Variants in TMEM163 observed in about 807,000 individuals in gnomAD.
The protein encoded by TMEM163 is transmembrane protein 163.
A neutral mutation model predicts 29.3 loss-of-function variants in TMEM163; 17 were observed. The ratio of observed to expected loss-of-function variants is 0.58; its 90% CI spans 0.40 to 0.87. The LOEUF is 0.87. TMEM163 is among the 40% of genes least tolerant of loss of function. The pLI is 0.00. For missense variants in TMEM163, 303 were observed against 381.5 expected (o/e 0.79, Z 1.71); for synonymous variants, 157 against 160.6 (o/e 0.98, Z 0.17).
intron 5 of TMEM163, among the ~76,000 whole-genome samples, chr2:134,475,132 T>C (rs1686886438): frequency 6.6e-6 from 1 of 152,178 alleles, no homozygotes; most frequent in East Asian, 1.9e-4. Flanking sequence ...TATGAAGCTA[T>C]TGTAATCAAG....
chr2:134,647,287 T>C (rs1400102226), intron 2 of TMEM163, among the ~76,000 whole-genome samples: 1 of 152,220 alleles, frequency 6.6e-6, no homozygotes, highest in Non-Finnish European at 1.5e-5. Context: ...GGAACATTTA[T>C]GGCAAAAAGG....
intron 4 of TMEM163, among the ~76,000 whole-genome samples, chr2:134,529,572 A>C (rs1680374642): frequency 6.6e-6 from 1 of 151,844 alleles, no homozygotes; most frequent in South Asian, 2.1e-4. Flanking sequence ...AACATGGAGA[A>C]ACCCCTATCT....
intron 2 of TMEM163, among the ~76,000 whole-genome samples, chr2:134,624,379 C>T (rs1251848730): frequency 1.3e-5 from 2 of 152,000 alleles, no homozygotes; most frequent in African/African-American, 2.4e-5. Flanking sequence ...AACCAGATAC[C>T]GCATGTTCTT....
intron 2 of TMEM163, among the ~76,000 whole-genome samples, chr2:134,677,178 A>G (rs1238857927): frequency 6.6e-6 from 1 of 152,210 alleles, no homozygotes; most frequent in East Asian, 1.9e-4. Context: ...TTTGGCGTGC[A>G]GAGAATTATG....
chr2:134,509,063 C>G (rs539262106), intron 4 of TMEM163, among the ~76,000 whole-genome samples: 1 of 152,276 alleles, frequency 6.6e-6, no homozygotes, highest in South Asian at 2.1e-4. Flanking sequence ...TTTCTGGCAT[C>G]TACTTTAGGG....
intron 2 of TMEM163, among the ~76,000 whole-genome samples, chr2:134,615,967 G>A (rs1438094516): frequency 6.6e-6 from 1 of 152,088 alleles, no homozygotes; most frequent in African/African-American, 2.4e-5. Context: ...TAAGAGCAGA[G>A]CTTTCAGTGG....
In TMEM163 at chr2:134,546,260, G is replaced by A. The variant is rs142517655; in HGVS notation, c.458+4310C>T. On this transcript the variant is annotated intron_variant, in intron 4 of 7. Coordinates refer to ENST00000281924, the MANE Select transcript of TMEM163 (RefSeq NM_030923.5). ...CTCAAAGAGATATTTGCACACTCATGTTCATAGCAGCATTATTCACAATAG... is the reference window on the plus strand; with the variant it reads ...CTCAAAGAGATATTTGCACACTCATATTCATAGCAGCATTATTCACAATAG... Among the ~76,000 whole-genome samples the A allele has an allele frequency of 1.4e-3, 216 of 152,340 alleles. 2 individuals carry two copies. Among genetic ancestry groups the A allele is most frequent in the African/African-American group, 4.6e-3 (193 of 41,578 alleles).
chr2:134,651,583 C>A (rs1683480247), intron 2 of TMEM163, among the ~76,000 whole-genome samples: 2 of 125,744 alleles, frequency 1.6e-5, no homozygotes, highest in East Asian at 2.1e-4. Context: ...CTTTTGTTGC[C>A]ATTGCTTTTG....
intron 5 of TMEM163, among the ~76,000 whole-genome samples, chr2:134,499,795 G>C (rs933687349): frequency 6.6e-6 from 1 of 152,150 alleles, no homozygotes; most frequent in African/African-American, 2.4e-5. Flanking sequence ...TGAGACTAAG[G>C]GGGAGGTGTC....
intron 4 of TMEM163, among the ~76,000 whole-genome samples, chr2:134,504,423 C>T (rs919968422): frequency 2.6e-5 from 4 of 151,970 alleles, no homozygotes; most frequent in Non-Finnish European, 2.9e-5. Flanking sequence ...ATGGAAGGAA[C>T]ATCACCCCCC....
intron 2 of TMEM163, among the ~76,000 whole-genome samples, chr2:134,601,314 T>A (rs954793772): frequency 6.6e-6 from 1 of 152,196 alleles, no homozygotes; most frequent in Non-Finnish European, 1.5e-5. Context: ...CACCTAAACC[T>A]ACTTCATGGG....
At chr2:134,612,873 T>C (rs553655146) in intron 2 of TMEM163, among the ~76,000 whole-genome samples, 119 of 152,100 alleles carry the variant, frequency 7.8e-4, no homozygotes, top group Middle Eastern at 3.4e-3. Context: ...TGTGAAGAAA[T>C]AAGAAAGTTG....
chr2:134,564,374 G>A (rs765308795), intron 2 of TMEM163, among the ~76,000 whole-genome samples: 17 of 152,140 alleles, frequency 1.1e-4, no homozygotes, highest in Non-Finnish European at 1.8e-4. Flanking sequence ...TCCATATAGA[G>A]AAAACTGTCG....
At chr2:134,587,331 G>C (rs1681844921) in intron 2 of TMEM163, among the ~76,000 whole-genome samples, 1 of 152,162 alleles carries the variant, frequency 6.6e-6, no homozygotes, top group African/African-American at 2.4e-5. Context: ...AGAATTGCTT[G>C]AACCTAGGAG....
At chr2:134,476,938 C>T (rs887177219) in intron 5 of TMEM163, among the ~76,000 whole-genome samples, 14 of 152,328 alleles carry the variant, frequency 9.2e-5, no homozygotes, top group Non-Finnish European at 1.5e-4. Flanking sequence ...CTTCTGTTTA[C>T]TCCTTCAACA....
chr2:134,657,773 A>G (rs1444907036), intron 2 of TMEM163, among the ~76,000 whole-genome samples: 1 of 152,142 alleles, frequency 6.6e-6, no homozygotes, highest in Non-Finnish European at 1.5e-5. Flanking sequence ...ATTGCACTCC[A>G]GCCTAGGCAA....
chr2:134,674,658 G>A (rs538581874), intron 2 of TMEM163, among the ~76,000 whole-genome samples: 1 of 151,584 alleles, frequency 6.6e-6, no homozygotes, highest in African/African-American at 2.4e-5. Flanking sequence ...GCGCCTTGCC[G>A]ACTAATGTTT....
intron 2 of TMEM163, among the ~76,000 whole-genome samples, chr2:134,662,920 T>A (rs1683788343): frequency 6.6e-6 from 1 of 152,218 alleles, no homozygotes; most frequent in South Asian, 2.1e-4. Flanking sequence ...GCACCTTGTG[T>A]GATGGTATCC....
chr2:134,718,678 G>A, intron 1 of TMEM163, 56 bp downstream of exon 1: 2 of 1,104,158 alleles, frequency 1.8e-6, no homozygotes, highest in Non-Finnish European at 2.2e-6. Flanking sequence ...AGTGGGGAGA[G>A]GCGGGCCCCG....
Sources: allele counts gnomAD v4.1 joint callset (sites outside exome capture counted in the v4.1 genomes callset), GRCh38; gene constraint gnomAD v4.1.1; transcripts MANE v1.5; gene names NCBI Gene and HGNC (gene_info 2026-07-23, HGNC 2026-07-21).